LRP1B: variants seen among roughly 807,000 people sequenced by gnomAD.
LRP1B encodes the protein LDL receptor related protein 1B, also known as low-density lipoprotein receptor-related protein 1B.
Under a neutral mutation model 556.6 loss-of-function variants are expected in LRP1B, and 217 were observed. That is an observed-to-expected ratio of 0.39 (90% CI 0.35 to 0.44). The LOEUF (loss-of-function observed/expected upper bound fraction) is 0.44. LRP1B is among the 20% of genes least tolerant of loss of function. The pLI, the probability that LRP1B is intolerant of heterozygous loss-of-function variation, is 1.00. For synonymous variants in LRP1B, 2,047 were observed against 1,865.8 expected (o/e 1.10, Z -2.50); for missense variants, 5,053 against 5,620.8 (o/e 0.90, Z 3.23).
At chr2:141,973,356 C>A (rs1018306024) in intron 1 of LRP1B, among the ~76,000 whole-genome samples, 1 of 151,526 alleles carries the variant, frequency 6.6e-6, no homozygotes, top group Non-Finnish European at 1.5e-5. Flanking sequence ...AAGAGTAATA[C>A]GAAATAGGCA....
At chr2:141,369,677 A>G (rs984650689) in intron 3 of LRP1B, among the ~76,000 whole-genome samples, 1 of 152,150 alleles carries the variant, frequency 6.6e-6, no homozygotes, top group Non-Finnish European at 1.5e-5. Flanking sequence ...ATATTTGTAT[A>G]TATTCATGGG....
intron 6 of LRP1B, among the ~76,000 whole-genome samples, chr2:141,213,589 C>A (rs1682659229): frequency 6.6e-6 from 1 of 152,182 alleles, no homozygotes; most frequent in African/African-American, 2.4e-5. Context: ...AAACTCCACA[C>A]AGACAGTGGC....
At position 140,457,464 on chromosome 2, in the gene LRP1B, A is replaced by C; in HGVS notation, c.9813T>G (p.Asp3271Glu). The C allele has an allele frequency of 6.2e-7, 1 of 1,606,062 alleles. No homozygotes were observed. The highest frequency in any genetic ancestry group is 8.5e-7 in the Non-Finnish European group (1 of 1,173,106). ...GGAAATCATGGAAAGAATAATTACC[A>C]TCAGGTTGTCTATAAGAATGATACA... Reference protein sequence around the residue: ...IQVYHSYRQPDVSKHLCMINN... With the variant: ...IQVYHSYRQPEVSKHLCMINN... The change falls in exon 61 of 91, where the codon GAT becomes GAG. Residue 3271 changes from aspartate (D) to glutamate (E), a missense_variant and splice_region_variant. Coordinates refer to ENST00000389484, the MANE Select transcript of LRP1B (RefSeq NM_018557.3).
chr2:141,895,921 G>C (rs919455729), intron 1 of LRP1B, among the ~76,000 whole-genome samples: 2 of 151,718 alleles, frequency 1.3e-5, no homozygotes, highest in African/African-American at 4.8e-5. Flanking sequence ...AGTTAGTAAG[G>C]ATGGCCGGGA....
intron 2 of LRP1B, among the ~76,000 whole-genome samples, chr2:141,506,531 G>A (rs191029337): frequency 1.2e-4 from 19 of 152,132 alleles, no homozygotes; most frequent in African/African-American, 4.6e-4. Flanking sequence ...TCACATGAAA[G>A]TGTCTACTAG....
intron 2 of LRP1B, 23 bp from the exon 3 acceptor site, chr2:141,480,556 A>C: frequency 6.2e-7 from 1 of 1,613,138 alleles, no homozygotes; most frequent in African/African-American, 1.3e-5. Flanking sequence ...AAAAAAGAAC[A>C]GAATTATGTG....
intron 41 of LRP1B, among the ~76,000 whole-genome samples, chr2:140,684,666 A>C (rs1685984205): frequency 6.6e-6 from 1 of 152,244 alleles, no homozygotes; most frequent in Admixed American, 6.5e-5. Flanking sequence ...AAAAGGGATG[A>C]GGCAAAAGAA....
chr2:141,305,516 A>G (rs12465020), intron 3 of LRP1B, among the ~76,000 whole-genome samples: 17,157 of 152,210 alleles, frequency 0.11, 1,226 homozygotes, highest in Admixed American at 0.18. Flanking sequence ...TTGTCTAGAC[A>G]TAAGATCATA....
intron 7 of LRP1B, among the ~76,000 whole-genome samples, chr2:141,141,433 C>A (rs535532098): frequency 6.6e-6 from 1 of 152,048 alleles, no homozygotes; most frequent in Admixed American, 6.6e-5. Flanking sequence ...TTTAACCAAA[C>A]GGAATTATGA....
At chr2:140,565,258 A>T (rs1574085047) in intron 43 of LRP1B, among the ~76,000 whole-genome samples, 1 of 135,942 alleles carries the variant, frequency 7.4e-6, no homozygotes, top group South Asian at 2.3e-4. Context: ...TGATGAATAT[A>T]TGTCATAAAA....
intron 1 of LRP1B, among the ~76,000 whole-genome samples, chr2:142,009,280 C>G (rs1033154965): frequency 6.6e-6 from 1 of 152,096 alleles, no homozygotes; most frequent in African/African-American, 2.4e-5. Flanking sequence ...TAATGTCAAA[C>G]TGGAGAGTTT....
chr2:140,491,337 G>A (rs1371337078), intron 57 of LRP1B, among the ~76,000 whole-genome samples: 1 of 152,010 alleles, frequency 6.6e-6, no homozygotes, highest in African/African-American at 2.4e-5. Flanking sequence ...TAAATGGTCA[G>A]AATGTTATGT....
intron 3 of LRP1B, among the ~76,000 whole-genome samples, chr2:141,286,115 T>C (rs1329241277): frequency 6.6e-6 from 1 of 151,502 alleles, no homozygotes; most frequent in Non-Finnish European, 1.5e-5. Context: ...GTAGGCATGT[T>C]GATAGTGATA....
At chr2:141,185,683 C>CAAAAAAAAAAAAA (rs148935362) in intron 7 of LRP1B, among the ~76,000 whole-genome samples, 323 of 73,690 alleles carry the variant, frequency 4.4e-3, no homozygotes, top group East Asian at 8.8e-3. Flanking sequence ...GAAAAACAAA[C>CAAAAAAAAAAAAA]AAACAAAAAA....
chr2:140,506,674 T>C, intron 53 of LRP1B, 122 bp downstream of exon 53: 1 of 926,866 alleles, frequency 1.1e-6, no homozygotes, highest in South Asian at 1.7e-5. Flanking sequence ...TATTACTGAA[T>C]TCACTGGGTG....
chr2:140,951,932 T>A lies in LRP1B; in HGVS notation c.2896A>T (p.Thr966Ser), dbSNP rs751769261. The A allele has an allele frequency of 6.2e-7, 1 of 1,612,688 alleles. No individual in the cohort carries two copies. The highest frequency in any genetic ancestry group is 1.3e-5 in the African/African-American group (1 of 74,892). The change falls in exon 19 of 91, where the codon ACT (threonine) becomes TCT (serine). Residue 966 changes from threonine to serine, a missense_variant. This residue lies in a region of LRP1B where 3,619 missense variants were observed against 3,931.9 expected (regional missense o/e 0.92). Transcript: ENST00000389484. ...ACGAATTGGGTTAGTGGCTCACAAG[T>A]TGGGAATTCTGTGAAAGATATAAAA... Reference protein sequence around the residue: ...TDEMASCEFPTCEPLTQFVCK... With the variant: ...TDEMASCEFPSCEPLTQFVCK...
chr2:140,640,825 G>A (rs505379), intron 41 of LRP1B, among the ~76,000 whole-genome samples: 1 of 152,084 alleles, frequency 6.6e-6, no homozygotes, highest in Non-Finnish European at 1.5e-5. Context: ...GCCCATAAGA[G>A]AGCCTGACAC....
intron 6 of LRP1B, among the ~76,000 whole-genome samples, chr2:141,215,593 C>G (rs1399728876): frequency 6.6e-6 from 1 of 152,146 alleles, no homozygotes; most frequent in Non-Finnish European, 1.5e-5. Flanking sequence ...CAGTGAAGTT[C>G]AAGCTGAGGA....
chr2:140,698,426 A>C (rs944622912), intron 41 of LRP1B, among the ~76,000 whole-genome samples: 1 of 152,124 alleles, frequency 6.6e-6, no homozygotes, highest in African/African-American at 2.4e-5. Flanking sequence ...GCGTTCATCT[A>C]AATAGCACCT....
Sources: allele counts gnomAD v4.1 joint callset (sites outside exome capture counted in the v4.1 genomes callset), GRCh38; gene constraint gnomAD v4.1.1; regional missense constraint gnomAD v4.1.1; transcripts MANE v1.5; gene names NCBI Gene and HGNC (gene_info 2026-07-23, HGNC 2026-07-21).